The following AFAP1 variants were observed in gnomAD, a reference collection of about 807,000 sequenced individuals.
AFAP1 encodes actin filament-associated protein 1.
A neutral mutation model predicts 93.9 loss-of-function variants in AFAP1; 75 were observed. The observed-to-expected ratio is 0.80, with a 90% CI of 0.66 to 0.97. AFAP1 has a LOEUF of 0.97. Ranked by LOEUF, AFAP1 falls within the 50% of genes least tolerant of loss-of-function variation. The pLI, the probability that AFAP1 is intolerant of heterozygous loss-of-function variation, is 0.00. For missense variants in AFAP1, 1,201 were observed against 1,050.8 expected, an observed-to-expected ratio of 1.14 and a Z score of -1.98; for synonymous variants, 517 against 430.7, an observed-to-expected ratio of 1.20 and a Z score of -2.48.
intron 10 of AFAP1, among the ~76,000 whole-genome samples, chr4:7,799,529 C>T (rs937035200): frequency 3.3e-5 from 5 of 152,168 alleles, no homozygotes; most frequent in Non-Finnish European, 7.3e-5. Flanking sequence ...TGCCACACAC[C>T]GGCCACCCAG....
At chr4:7,915,825 C>T (rs1720056235) in intron 1 of AFAP1, among the ~76,000 whole-genome samples, 1 of 76,540 alleles carries the variant, frequency 1.3e-5, no homozygotes, top group Non-Finnish European at 4.7e-5. Flanking sequence ...GTACAACTTT[C>T]TTTCTCACTT....
At chr4:7,812,096 T>A (rs1458117062) in intron 8 of AFAP1, among the ~76,000 whole-genome samples, 1 of 152,120 alleles carries the variant, frequency 6.6e-6, no homozygotes, top group Non-Finnish European at 1.5e-5. Flanking sequence ...ACTTCAATGT[T>A]ACTTCAACCA....
At chr4:7,767,876 C>G (rs761152762) in intron 17 of AFAP1, among the ~76,000 whole-genome samples, 3 of 152,186 alleles carry the variant, frequency 2.0e-5, no homozygotes, top group Admixed American at 2.0e-4. Flanking sequence ...GAGTTTGATA[C>G]CAGCCTGGGC....
chr4:7,829,889 C>T (rs1173125464), intron 6 of AFAP1, among the ~76,000 whole-genome samples: 1 of 152,116 alleles, frequency 6.6e-6, no homozygotes, highest in African/African-American at 2.4e-5. Flanking sequence ...TACAGACCAG[C>T]AAAAGTGTGA....
chr4:7,892,493 T>C (rs776811492), intron 1 of AFAP1, among the ~76,000 whole-genome samples: 6 of 152,176 alleles, frequency 3.9e-5, no homozygotes, highest in South Asian at 2.1e-4. Flanking sequence ...GTGGGAATCA[T>C]TGGACCTGCA....
At chr4:7,842,442 A>AAAGGCAAAAACATACTTT (rs1713147054) in intron 5 of AFAP1, among the ~76,000 whole-genome samples, 1 of 152,112 alleles carries the variant, frequency 6.6e-6, no homozygotes, top group African/African-American at 2.4e-5. Context: ...AGGAAGAACA[A>AAAGGCAAAAACATACTTT]AAGGCAAAAA....
At chr4:7,819,195 T>G (rs779350794) in intron 6 of AFAP1, 24 bp from the exon 7 acceptor site, 91 of 1,587,122 alleles carry the variant, frequency 5.7e-5, no homozygotes, top group Non-Finnish European at 7.7e-5. Context: ...AGACACTTTG[T>G]GAGTATGCCC....
chr4:7,766,587 CTG>C (rs1385647045), intron 17 of AFAP1, among the ~76,000 whole-genome samples: 2 of 125,934 alleles, frequency 1.6e-5, no homozygotes, highest in Non-Finnish European at 3.5e-5. Flanking sequence ...CTCCAGGTGA[CTG>C]TGTCACGGGA....
chr4:7,865,562 T>C (rs7376648), intron 3 of AFAP1, among the ~76,000 whole-genome samples: 55,161 of 152,006 alleles, frequency 0.36, 10,976 homozygotes, highest in African/African-American at 0.52. Flanking sequence ...GAGCAGATCA[T>C]AGGCCAGGGA....
rs78724572 is a variant in AFAP1, at chr4:7,802,515, C to T, written c.1055-1862G>A. On this transcript the variant is annotated intron_variant, in intron 9 of 17. Coordinates refer to ENST00000420658, the MANE Select transcript of AFAP1 (RefSeq NM_001134647.2). ...ACCACACAGCAAAGCAAGACCTGAACCCCTGTTGGGAGTTAAAGACGGCAG... is the reference window on the plus strand; with the variant it reads ...ACCACACAGCAAAGCAAGACCTGAATCCCTGTTGGGAGTTAAAGACGGCAG... Among the ~76,000 whole-genome samples the T allele has an allele frequency of 2.1e-3, 325 of 152,298 alleles. 4 individuals carry two copies. The East Asian group carries it at 0.034, about 16-fold the overall frequency.
chr4:7,933,008 A>C (rs1339576571), intron 1 of AFAP1, among the ~76,000 whole-genome samples: 2 of 117,254 alleles, frequency 1.7e-5, no homozygotes, highest in Non-Finnish European at 3.4e-5. Context: ...CAACAGAGTG[A>C]GACTCCCTCT....
chr4:7,781,706 T>C (rs1469358649), intron 12 of AFAP1, 79 bp from the exon 13 acceptor site: 17 of 1,511,786 alleles, frequency 1.1e-5, no homozygotes, highest in Non-Finnish European at 1.2e-5. Flanking sequence ...TGTCATTTAT[T>C]AATAGTACGG....
chr4:7,833,472 C>T (rs112738587), intron 6 of AFAP1, among the ~76,000 whole-genome samples: 2 of 151,972 alleles, frequency 1.3e-5, no homozygotes, highest in African/African-American at 2.4e-5. Flanking sequence ...CCTGCAAGAA[C>T]GACCAGAATC....
chr4:7,763,874 A>C, intron 17 of AFAP1, 83 bp from the exon 18 acceptor site: 13 of 1,418,018 alleles, frequency 9.2e-6, no homozygotes, highest in Non-Finnish European at 1.1e-5. Context: ...CATTCAACTC[A>C]GAGGGGGTGG....
At chr4:7,808,410 T>C (rs1037550154) in intron 9 of AFAP1, among the ~76,000 whole-genome samples, 2 of 152,148 alleles carry the variant, frequency 1.3e-5, no homozygotes, top group African/African-American at 4.8e-5. Flanking sequence ...ATTACATACA[T>C]GTTTCTGTGG....
intron 1 of AFAP1, among the ~76,000 whole-genome samples, chr4:7,916,613 C>A (rs57831033): frequency 0.54 from 81,029 of 151,392 alleles, 23,637 homozygotes; most frequent in East Asian, 0.83. Context: ...CCCCCTCCTG[C>A]AGGAGTGGGA....
At chr4:7,839,999 CAT>C (rs1461935457) in intron 5 of AFAP1, among the ~76,000 whole-genome samples, 2 of 152,094 alleles carry the variant, frequency 1.3e-5, no homozygotes, top group African/African-American at 2.4e-5. Flanking sequence ...ATGTCGACAT[CAT>C]ATGAGGCATT....
intron 3 of AFAP1, among the ~76,000 whole-genome samples, chr4:7,855,913 G>A (rs762020536): frequency 2.0e-5 from 3 of 152,254 alleles, no homozygotes; most frequent in Middle Eastern, 3.4e-3. Context: ...CCAGGGGTCT[G>A]AGACAGTGTC....
chr4:7,883,163 G>A (rs1328874418), intron 1 of AFAP1, among the ~76,000 whole-genome samples: 2 of 129,472 alleles, frequency 1.5e-5, no homozygotes, highest in Admixed American at 1.8e-4. Flanking sequence ...TCCAGCCTGG[G>A]CAACAGAGTG....
Sources: gnomAD v4.1 joint callset for allele counts (sites outside exome capture counted in the v4.1 genomes callset) on GRCh38, gnomAD v4.1.1 for gene constraint, MANE v1.5 for transcripts, NCBI Gene and HGNC (gene_info 2026-07-23, HGNC 2026-07-21) for gene names.